The following MAP2K3 variants were observed in gnomAD, a reference collection of about 807,000 sequenced individuals.
The protein encoded by MAP2K3 is dual specificity mitogen-activated protein kinase kinase 3.
MAP2K3 carries 30 observed loss-of-function variants against 46.4 expected under a neutral mutation model. That is an observed-to-expected ratio of 0.65 (90% confidence interval 0.48 to 0.88). The LOEUF (loss-of-function observed/expected upper bound fraction) is 0.88, where lower values mean the gene tolerates loss of function less well. MAP2K3 is among the 40% of genes least tolerant of loss of function. The pLI is 0.00. For synonymous variants in MAP2K3, 189 were observed against 176.3 expected (o/e 1.07, Z -0.57); for missense variants, 380 against 464.5 (o/e 0.82, Z 1.67).
chr17:21,287,521 G>C (rs1975754527), intron 1 of MAP2K3, among the ~76,000 whole-genome samples: 1 of 152,240 alleles, frequency 6.6e-6, no homozygotes, highest in African/African-American at 2.4e-5. Flanking sequence ...CTGCCTGGCA[G>C]CAGGTGCCCT....
chr17:21,288,164 G>A (rs1293681806), intron 1 of MAP2K3: 7 of 1,163,574 alleles, frequency 6.0e-6, no homozygotes, highest in Middle Eastern at 2.4e-4. Context: ...TTAAAGGGGC[G>A]ATGCCTGCCA....
At chr17:21,296,877 A>G (rs1976282943) in intron 1 of MAP2K3, among the ~76,000 whole-genome samples, 1 of 152,302 alleles carries the variant, frequency 6.6e-6, no homozygotes, top group Non-Finnish European at 1.5e-5. Context: ...GTTAGCAGGC[A>G]GGCACCCAGT....
chr17:21,312,096 G>A (rs1392430158), intron 9 of MAP2K3, 46 bp from the exon 10 acceptor site: 2 of 1,481,748 alleles, frequency 1.3e-6, no homozygotes, highest in Non-Finnish European at 1.8e-6. Flanking sequence ...TGCAGAGCGT[G>A]GTTGTATCTG....
In MAP2K3 at chr17:21,299,636, C is replaced by T. The variant is rs146582154; in HGVS notation, c.165+710C>T. On this transcript the variant is annotated intron_variant, in intron 3 of 11. Transcript: ENST00000342679. Reference sequence around the variant, plus strand: ...GGTGGATGTTGCAGTGAGCCATGATCGTACCACTGCCCTCCAGCTTGGGTG... The same window carrying T: ...GGTGGATGTTGCAGTGAGCCATGATTGTACCACTGCCCTCCAGCTTGGGTG... Among the ~76,000 whole-genome samples the T allele has an allele frequency of 2.2e-4, 32 of 147,070 alleles. No homozygotes were observed. The East Asian group carries it at 4.6e-3, about 21-fold the overall frequency.
At chr17:21,311,121 A>G (rs1977138901) in intron 9 of MAP2K3, among the ~76,000 whole-genome samples, 1 of 152,104 alleles carries the variant, frequency 6.6e-6, no homozygotes, top group Non-Finnish European at 1.5e-5. Flanking sequence ...AAGGGCCTCT[A>G]GCCTGATGGG....
At chr17:21,301,073 C>T in intron 5 of MAP2K3, 80 bp downstream of exon 5, 3 of 1,607,120 alleles carry the variant, frequency 1.9e-6, no homozygotes, top group South Asian at 2.2e-5. Context: ...CTCAGTCCCT[C>T]CAGTACGCCA....
At chr17:21,297,314 C>A (rs913043871) in intron 1 of MAP2K3, among the ~76,000 whole-genome samples, 1 of 152,304 alleles carries the variant, frequency 6.6e-6, no homozygotes, top group South Asian at 2.1e-4. Flanking sequence ...AGTTTCTAAG[C>A]CCCAGTACCA....
chr17:21,303,065 C>A, intron 6 of MAP2K3, 118 bp from the exon 7 acceptor site: 4 of 1,348,648 alleles, frequency 3.0e-6, no homozygotes, highest in South Asian at 1.3e-5. Context: ...GGTGCGTAGC[C>A]TGTGCAGCGG....
At chr17:21,295,908 C>A in intron 1 of MAP2K3, 1 of 1,268,208 alleles carries the variant, frequency 7.9e-7, no homozygotes, top group East Asian at 5.6e-5. Flanking sequence ...GTGGACCCCA[C>A]AGGGAAAGGG....
intron 10 of MAP2K3, among the ~76,000 whole-genome samples, chr17:21,312,529 A>C (rs1021793487): frequency 1.1e-4 from 17 of 152,234 alleles, no homozygotes; most frequent in African/African-American, 4.1e-4. Context: ...AACAAAGTAT[A>C]TGGAAAATTT....
At position 21,302,147 on chromosome 17, in the gene MAP2K3, A is replaced by ATG. The variant is rs753783314; in HGVS notation, c.404_405insTG (p.Val136AlafsTer25). On this transcript the variant is annotated frameshift_variant, in exon 6 of 12. Transcript: ENST00000342679. LOFTEE classifies it high-confidence loss of function. ...AGCTCTGGGTGTCACCCACAGGGAG[A>ATG]CGTGTGGATCTGCATGGAGCTCATG... 6.2e-7 allele frequency: 1 copy of ATG among 1,614,200 alleles called. No individual in the cohort carries two copies. The highest frequency in any genetic ancestry group is 1.1e-5 in the South Asian group (1 of 91,090).
In MAP2K3 at chr17:21,304,469, G is replaced by A. The variant is rs754275709; in HGVS notation, c.612G>A (p.Val204=). ...TCCTTATCAACAAGGAGGGCCATGT[G>A]AAGATGTGTGACTTTGGCATCAGTG... ...SNVLINKEGH[V]KMCDFGISGY... Residue 204 remains valine (V), a synonymous_variant, in exon 8 of 12, where the codon GTG becomes GTA. Transcript: ENST00000342679. 6.2e-7 allele frequency: 1 copy of A among 1,614,322 alleles called. No individual in the cohort carries two copies. Among genetic ancestry groups the A allele is most frequent in the South Asian group, 1.1e-5 (1 of 91,092 alleles).
chr17:21,313,592 T>TG, intron 11 of MAP2K3, 55 bp downstream of exon 11: 1 of 819,722 alleles, frequency 1.2e-6, no homozygotes, highest in Non-Finnish European at 2.0e-6. Flanking sequence ...TGGGGCTGGG[T>TG]GGGGCTCTGG....
chr17:21,293,020 G>C (rs1244536746), intron 1 of MAP2K3, among the ~76,000 whole-genome samples: 1 of 152,302 alleles, frequency 6.6e-6, no homozygotes, highest in Admixed American at 6.5e-5. Flanking sequence ...TGTAATGAAA[G>C]AAATTTGCAT....
intron 1 of MAP2K3, among the ~76,000 whole-genome samples, chr17:21,290,526 G>T (rs1297395288): frequency 3.3e-5 from 5 of 152,312 alleles, no homozygotes; most frequent in African/African-American, 1.2e-4. Context: ...ACCTCTCAGG[G>T]CTGCTGTTGA....
At chr17:21,303,581 C>G (rs144507918) in intron 7 of MAP2K3, among the ~76,000 whole-genome samples, 5 of 152,308 alleles carry the variant, frequency 3.3e-5, no homozygotes, top group African/African-American at 1.2e-4. Flanking sequence ...TCTCTCACCC[C>G]CTCCCAGAAT....
intron 3 of MAP2K3, 94 bp from the exon 4 acceptor site, chr17:21,300,451 G>C: frequency 7.7e-7 from 1 of 1,302,174 alleles, no homozygotes; most frequent in Non-Finnish European, 1.1e-6. Context: ...TAATCAGCTG[G>C]TCCTCTTCAT....
rs1411037459 is a variant in MAP2K3, at chr17:21,298,883, C to T, written c.122C>T (p.Pro41Leu). 1.2e-6 allele frequency: 2 copies of T among 1,614,308 alleles called. No individual in the cohort carries two copies. Among genetic ancestry groups the T allele is most frequent in the Admixed American group, 1.7e-5 (1 of 60,038 alleles). ...GGAGTCTTCTTTCTCCACAGACCCC[C>T]CCGGAACCTGGACTCCCGGACCTTC... ...SKPPAPNPTPPRNLDSRTFIT... is the reference protein window; with the variant it reads ...SKPPAPNPTPLRNLDSRTFIT... The change falls in exon 3 of 12, where the codon CCC becomes CTC. Residue 41 changes from proline (P) to leucine (L), a missense_variant. Pro to Leu is a moderately conservative substitution (Grantham distance 98, BLOSUM62 -3). Coordinates refer to ENST00000342679, the MANE Select transcript of MAP2K3 (RefSeq NM_145109.3).
chr17:21,311,873 C>T (rs1240725216), intron 9 of MAP2K3: 4 of 346,404 alleles, frequency 1.2e-5, no homozygotes, highest in African/African-American at 6.3e-5. Context: ...TTCAGGTTTT[C>T]TGAAAACCCT....
Sources: allele counts gnomAD v4.1 joint callset (sites outside exome capture counted in the v4.1 genomes callset), GRCh38; gene constraint gnomAD v4.1.1; transcripts MANE v1.5; gene names NCBI Gene and HGNC (gene_info 2026-07-23, HGNC 2026-07-21).